The following RANBP2 variants were observed in gnomAD, a reference collection of about 807,000 sequenced individuals.
RANBP2 encodes the protein RAN binding protein 2.
A neutral mutation model predicts 303.6 loss-of-function variants in RANBP2; 57 were observed. The observed-to-expected ratio is 0.19, with a 90% CI of 0.15 to 0.23. The LOEUF is 0.23. RANBP2 is among the 10% of genes least tolerant of loss of function. RANBP2 has a pLI of 1.00. For missense variants in RANBP2, 3,138 were observed against 3,780.8 expected, an observed-to-expected ratio of 0.83 and a Z score of 4.46; for synonymous variants, 1,167 against 1,301.5, an observed-to-expected ratio of 0.90 and a Z score of 2.23.
the RANBP2 span, chr2:109,614,049 G>A: frequency 4.1e-6 from 5 of 1,211,786 alleles, no homozygotes; most frequent in Non-Finnish European, 5.1e-6. Context: ...TTTTGCCTGC[G>A]CCAAGCGAGC....
At chr2:108,839,024 C>T in the RANBP2 span, 2 of 283,628 alleles carry the variant, frequency 7.1e-6, no homozygotes, top group Non-Finnish European at 1.1e-5. Context: ...ATACATATTG[C>T]CAAATTGTAT....
At chr2:108,919,200 C>T in the RANBP2 span, among the ~76,000 whole-genome samples, 200 of 152,214 alleles carry the variant, frequency 1.3e-3, no homozygotes, top group Middle Eastern at 3.4e-3. Context: ...GAAGAGCATC[C>T]GGGCACAAGA....
At chr2:109,257,602 A>T in the RANBP2 span, among the ~76,000 whole-genome samples, 1 of 152,112 alleles carries the variant, frequency 6.6e-6, no homozygotes, top group Non-Finnish European at 1.5e-5. Context: ...CTGGAGCAGG[A>T]TAGACTCTGC....
chr2:109,490,984 CTG>C, the RANBP2 span: 1 of 1,400,478 alleles, frequency 7.1e-7, no homozygotes, highest in Non-Finnish European at 9.3e-7. Context: ...GGTTTGGCCT[CTG>C]AGGTCTGGAG....
At chr2:109,341,463 A>G in the RANBP2 span, among the ~76,000 whole-genome samples, 38 of 152,344 alleles carry the variant, frequency 2.5e-4, no homozygotes, top group African/African-American at 7.9e-4. Flanking sequence ...CAACAGTGCT[A>G]TGAAAGTCAG....
At chr2:109,592,810 GA>G in the RANBP2 span, among the ~76,000 whole-genome samples, 20 of 149,858 alleles carry the variant, frequency 1.3e-4, no homozygotes, top group African/African-American at 4.4e-4. Context: ...AAAAGAAACA[GA>G]AAAAAAAATT....
chr2:109,221,076 A>G, the RANBP2 span, among the ~76,000 whole-genome samples: 1 of 152,270 alleles, frequency 6.6e-6, no homozygotes, highest in Non-Finnish European at 1.5e-5. Context: ...AGCCTTAGAA[A>G]GAAATGAAGT....
At chr2:108,915,995 G>A in the RANBP2 span, among the ~76,000 whole-genome samples, 4 of 152,260 alleles carry the variant, frequency 2.6e-5, no homozygotes, top group African/African-American at 7.2e-5. Context: ...ACAACAGAGC[G>A]TTCCCCCTCA....
chr2:109,698,467 G>GA, the RANBP2 span, among the ~76,000 whole-genome samples: 39,257 of 145,112 alleles, frequency 0.27, 6,356 homozygotes, highest in Non-Finnish European at 0.37. Flanking sequence ...CCCCATTTCA[G>GA]AAAAAAAAAA....
chr2:109,422,350 TCTCCAGGC>T, the RANBP2 span, among the ~76,000 whole-genome samples: 1 of 152,092 alleles, frequency 6.6e-6, no homozygotes, highest in African/African-American at 2.4e-5. Flanking sequence ...AGCTTTGACC[TCTCCAGGC>T]CACATCATGT....
At chr2:109,264,211 A>ATAT in the RANBP2 span, among the ~76,000 whole-genome samples, 2 of 147,926 alleles carry the variant, frequency 1.4e-5, no homozygotes, top group Admixed American at 6.7e-5. Context: ...TCACCTCCCC[A>ATAT]GGATCCACTC....
the RANBP2 span, among the ~76,000 whole-genome samples, chr2:109,632,119 T>G: frequency 6.6e-6 from 1 of 152,206 alleles, no homozygotes; most frequent in Non-Finnish European, 1.5e-5. Flanking sequence ...CAGGGCCTCC[T>G]GGTTGGTGAA....
In RANBP2 at chr2:108,727,185, G is replaced by A. The variant is rs192993467; in HGVS notation, c.73-1947G>A. Among the ~76,000 whole-genome samples the A allele has an allele frequency of 8.8e-3, 1,332 of 152,220 alleles. 22 individuals are homozygous for A. Among genetic ancestry groups the A allele is most frequent in the African/African-American group, 0.029 (1,221 of 41,520 alleles). On this transcript the variant is annotated intron_variant, in intron 1 of 28. Transcript: ENST00000283195. ...GACGGGGTGGTGGCCGGGCAGAGGG[G>A]CTCCTCACTTCCCAGTAGGGGCGGC...
the RANBP2 span, among the ~76,000 whole-genome samples, chr2:108,880,040 G>A: frequency 6.6e-6 from 1 of 152,016 alleles, no homozygotes; most frequent in African/African-American, 2.4e-5. Context: ...ACAGTTCCTT[G>A]GAGGCCAGAC....
chr2:109,012,485 G>A, the RANBP2 span, among the ~76,000 whole-genome samples: 24 of 144,066 alleles, frequency 1.7e-4, no homozygotes, highest in Admixed American at 1.2e-3. Flanking sequence ...CAGAAGGAAC[G>A]GCGGAGAGGG....
chr2:109,041,784 G>T, the RANBP2 span, among the ~76,000 whole-genome samples: 1 of 141,910 alleles, frequency 7.0e-6, no homozygotes, highest in Non-Finnish European at 1.5e-5. Context: ...CAAATGATCT[G>T]CCCACCTCGG....
At chr2:109,279,914 G>C in the RANBP2 span, among the ~76,000 whole-genome samples, 1 of 152,076 alleles carries the variant, frequency 6.6e-6, no homozygotes, top group South Asian at 2.1e-4. Context: ...AGAGTTGGGA[G>C]GTAATTGGGG....
the RANBP2 span, among the ~76,000 whole-genome samples, chr2:109,596,577 G>A: frequency 2.6e-5 from 4 of 151,070 alleles, no homozygotes; most frequent in African/African-American, 9.7e-5. Context: ...AGATCGCGCC[G>A]CTGCACTCCA....
the RANBP2 span, among the ~76,000 whole-genome samples, chr2:109,268,953 G>A: frequency 1.1e-4 from 16 of 152,066 alleles, no homozygotes; most frequent in Non-Finnish European, 1.6e-4. Flanking sequence ...ATCTTTTTCC[G>A]TTTTCTGGGG....
Sources: allele counts gnomAD v4.1 joint callset (sites outside exome capture counted in the v4.1 genomes callset), GRCh38; gene constraint gnomAD v4.1.1; transcripts MANE v1.5; gene names NCBI Gene and HGNC (gene_info 2026-07-23, HGNC 2026-07-21).